Variants in CDC42SE2 observed in about 807,000 individuals in gnomAD.
The protein encoded by CDC42SE2 is CDC42 small effector protein 2.
Under a neutral mutation model 11.5 loss-of-function variants are expected in CDC42SE2, and 3 were observed. The ratio of observed to expected loss-of-function variants is 0.26; its 90% CI spans 0.12 to 0.67. The LOEUF is 0.67. Among genes scored for constraint, CDC42SE2 ranks in the 30% least tolerant of loss-of-function variants. The pLI is 0.80. For synonymous variants in CDC42SE2, 33 were observed against 34.8 expected (o/e 0.95, Z 0.18); for missense variants, 82 against 106.8 (o/e 0.77, Z 1.02).
intron 2 of CDC42SE2, among the ~76,000 whole-genome samples, chr5:131,332,106 A>T (rs1021067682): frequency 1.3e-5 from 2 of 152,042 alleles, no homozygotes; most frequent in Admixed American, 6.6e-5. Context: ...TCCTAATGCT[A>T]TCCCTCCCCA....
intron 3 of CDC42SE2, among the ~76,000 whole-genome samples, chr5:131,373,805 A>G (rs983359701): frequency 6.6e-6 from 1 of 152,208 alleles, no homozygotes; most frequent in Non-Finnish European, 1.5e-5. Context: ...AGGAAGCGAG[A>G]GAGAGAAGGA....
At chr5:131,389,403 C>A (rs1371464246) in intron 4 of CDC42SE2, among the ~76,000 whole-genome samples, 1 of 152,146 alleles carries the variant, frequency 6.6e-6, no homozygotes, top group African/African-American at 2.4e-5. Context: ...TTTTATTAAT[C>A]TGACTATTAT....
intron 1 of CDC42SE2, among the ~76,000 whole-genome samples, chr5:131,296,140 C>G (rs1345672362): frequency 6.6e-6 from 1 of 152,122 alleles, no homozygotes; most frequent in African/African-American, 2.4e-5. Context: ...AGCCTAGATA[C>G]TGAATAAGTG....
the CDC42SE2 span, among the ~76,000 whole-genome samples, chr5:131,216,427 A>C: frequency 1.3e-5 from 2 of 149,436 alleles, no homozygotes; most frequent in Admixed American, 6.7e-5. Flanking sequence ...GCCTGAGCCC[A>C]GGAGGTCCAG....
In CDC42SE2 at chr5:131,287,143, C is replaced by T. The variant is rs924310927; in HGVS notation, c.-455+22977C>T. 4.6e-5 allele frequency among the ~76,000 whole-genome samples: 7 copies of T among 152,016 alleles called. 1 individual carries two copies. In the South Asian group the frequency reaches 6.2e-4, roughly 14 times the overall value. ...CCAAGTAGCTGGGATTATAGGGGCC[C>T]GCCACCATGCCCAGCTAATTTTTGT... On this transcript the variant is annotated intron_variant, in intron 1 of 4. Transcript: ENST00000505065.
chr5:131,282,846 G>A (rs1757265042), intron 1 of CDC42SE2, among the ~76,000 whole-genome samples: 1 of 150,608 alleles, frequency 6.6e-6, no homozygotes, highest in African/African-American at 2.4e-5. Flanking sequence ...AGCCAGGATG[G>A]TCTTGATCTC....
At chr5:131,359,693 A>G (rs773040073) in intron 3 of CDC42SE2, 146 bp downstream of exon 3, 1 of 689,436 alleles carries the variant, frequency 1.5e-6, no homozygotes, top group Non-Finnish European at 2.6e-6. Context: ...CTCCGAACAT[A>G]TGTTTAAAAA....
Position 131,367,179 on chromosome 5 carries a change from T to TA in CDC42SE2, c.54+7633dup, listed in dbSNP as rs1749886267. ...GTAATGATATATATATGTGTGTGTA[T>TA]ATATATCATGTAATGATGCACAACA... On this transcript the variant is annotated intron_variant, in intron 3 of 4. Coordinates refer to ENST00000505065, the MANE Select transcript of CDC42SE2 (RefSeq NM_001375635.1). Among the ~76,000 whole-genome samples, 3 of 152,016 alleles carry TA rather than the reference T, an allele frequency of 2.0e-5. No individual in the cohort carries two copies. The South Asian group carries it at 6.2e-4, about 32-fold the overall frequency.
At chr5:131,226,901 T>C in the CDC42SE2 span, among the ~76,000 whole-genome samples, 1 of 152,218 alleles carries the variant, frequency 6.6e-6, no homozygotes, top group Non-Finnish European at 1.5e-5. Context: ...ATAAATGCTC[T>C]CACTGGTTTG....
At chr5:131,308,173 T>C (rs1757819723) in intron 1 of CDC42SE2, among the ~76,000 whole-genome samples, 1 of 152,180 alleles carries the variant, frequency 6.6e-6, no homozygotes, top group Non-Finnish European at 1.5e-5. Context: ...GGCTAGCCAG[T>C]TTTCCCAGCA....
intron 1 of CDC42SE2, among the ~76,000 whole-genome samples, chr5:131,294,741 C>T (rs932127501): frequency 7.9e-5 from 12 of 152,176 alleles, no homozygotes; most frequent in African/African-American, 2.9e-4. Flanking sequence ...CCTGTAATTC[C>T]AGCCCTTTGG....
the CDC42SE2 span, among the ~76,000 whole-genome samples, chr5:131,220,992 A>G: frequency 2.7e-5 from 4 of 149,052 alleles, no homozygotes; most frequent in Non-Finnish European, 5.9e-5. Context: ...TCAAGCAATT[A>G]TCCTGCCTCA....
At chr5:131,211,748 G>A in the CDC42SE2 span, among the ~76,000 whole-genome samples, 2 of 152,118 alleles carry the variant, frequency 1.3e-5, no homozygotes, top group African/African-American at 4.8e-5. Flanking sequence ...TTTGGAGGAC[G>A]AGGCAGGAGG....
chr5:131,337,624 G>A (rs1166979184), intron 2 of CDC42SE2, among the ~76,000 whole-genome samples: 3 of 152,198 alleles, frequency 2.0e-5, no homozygotes. Flanking sequence ...CACCCAGTTC[G>A]AGCTTCCAGG....
chr5:131,342,812 A>C (rs1758744974), intron 2 of CDC42SE2, among the ~76,000 whole-genome samples: 1 of 151,990 alleles, frequency 6.6e-6, no homozygotes, highest in African/African-American at 2.4e-5. Flanking sequence ...TACTGGGTTC[A>C]AGTGATTCTT....
chr5:131,282,672 A>G (rs35230219), intron 1 of CDC42SE2, among the ~76,000 whole-genome samples: 87,300 of 151,856 alleles, frequency 0.57, 28,839 homozygotes, highest in Non-Finnish European at 0.76. Flanking sequence ...TCTGTCACCT[A>G]GGCTGGAGTG....
chr5:131,321,588 G>C (rs1252004504), intron 2 of CDC42SE2, among the ~76,000 whole-genome samples: 1 of 152,048 alleles, frequency 6.6e-6, no homozygotes, highest in Non-Finnish European at 1.5e-5. Context: ...TTTCAAAAAA[G>C]AATATACATA....
At chr5:131,348,197 G>C (rs1758901622) in intron 2 of CDC42SE2, among the ~76,000 whole-genome samples, 1 of 152,200 alleles carries the variant, frequency 6.6e-6, no homozygotes, top group African/African-American at 2.4e-5. Flanking sequence ...AAAAGAGGAA[G>C]TCAAATTGTC....
At chr5:131,288,275 A>G (rs1757382506) in intron 1 of CDC42SE2, among the ~76,000 whole-genome samples, 1 of 152,122 alleles carries the variant, frequency 6.6e-6, no homozygotes, top group African/African-American at 2.4e-5. Flanking sequence ...GAACTAGTAA[A>G]TGCAACTTTT....
Sources: gnomAD v4.1 joint callset for allele counts (sites outside exome capture counted in the v4.1 genomes callset) on GRCh38, gnomAD v4.1.1 for gene constraint, MANE v1.5 for transcripts, NCBI Gene and HGNC (gene_info 2026-07-23, HGNC 2026-07-21) for gene names.